Variants in FBXL5 observed in about 807,000 individuals in gnomAD.
FBXL5 encodes F-box and leucine rich repeat protein 5.
In FBXL5, 26 loss-of-function variants were observed where a neutral mutation model predicts 78.3. That is an observed-to-expected ratio of 0.33 (90% CI 0.24 to 0.46). The LOEUF is 0.46. Among genes scored for constraint, FBXL5 ranks in the 20% least tolerant of loss-of-function variants. FBXL5 has a pLI of 1.00. For missense variants in FBXL5, 710 were observed against 829.2 expected (o/e 0.86, Z 1.77); for synonymous variants, 295 against 282.5 (o/e 1.04, Z -0.45).
At chr4:15,643,092 C>A (rs967419218) in intron 2 of FBXL5, among the ~76,000 whole-genome samples, 2 of 152,012 alleles carry the variant, frequency 1.3e-5, no homozygotes, top group Non-Finnish European at 1.5e-5. Flanking sequence ...TCAAAGAATA[C>A]GAAAGAATAT....
In FBXL5 at chr4:15,605,481, A is replaced by G; in HGVS notation, c.*242T>C. The G allele has an allele frequency of 2.4e-6, 1 of 417,050 alleles. No homozygotes were observed. Among genetic ancestry groups the G allele is most frequent in the Non-Finnish European group, 4.4e-6 (1 of 228,026 alleles). 25.8% of individuals were successfully genotyped at this position (417,050 alleles called of 1,614,324 possible). A position where few individuals can be genotyped will look rare whatever the true frequency, so the allele number is the denominator to read the frequency against. On this transcript the variant is annotated 3_prime_UTR_variant, in exon 11 of 11. Transcript: ENST00000341285. ...TTAAAGCATTTCATTTAAAAGAAAA[A>G]TGTAAGACTGTTCTCACCCTTTTGA...
chr4:15,630,586 T>C (rs1354385623), intron 6 of FBXL5, 80 bp downstream of exon 6: 2 of 1,302,666 alleles, frequency 1.5e-6, no homozygotes, highest in Non-Finnish European at 2.0e-6. Context: ...AATACATAAA[T>C]CTAATACCTA....
At chr4:15,671,715 G>T (rs566685997) in intron 1 of FBXL5, among the ~76,000 whole-genome samples, 1 of 152,178 alleles carries the variant, frequency 6.6e-6, no homozygotes, top group South Asian at 2.1e-4. Flanking sequence ...ACACACTAGG[G>T]TGCTTAAACT....
At chr4:15,647,696 C>G (rs1357539308) in intron 1 of FBXL5, among the ~76,000 whole-genome samples, 6 of 152,168 alleles carry the variant, frequency 3.9e-5, no homozygotes, top group Non-Finnish European at 8.8e-5. Context: ...CAGGTAGAAT[C>G]TATATCCAGC....
At chr4:15,628,247 A>G (rs1035400944) in intron 6 of FBXL5, among the ~76,000 whole-genome samples, 1 of 152,226 alleles carries the variant, frequency 6.6e-6, no homozygotes, top group Non-Finnish European at 1.5e-5. Flanking sequence ...AAAATATGAT[A>G]TCAAAAGAAA....
At position 15,604,724 on chromosome 4, in the gene FBXL5, A is replaced by G. The variant is rs1721768541; in HGVS notation, c.*999T>C. On this transcript the variant is annotated 3_prime_UTR_variant, in exon 11 of 11. Transcript: ENST00000341285. ...TTGCCATTTTCTTCTACATGACATAAAATTGTACTAAAAGGCACTAGTATG... is the reference window on the plus strand; with the variant it reads ...TTGCCATTTTCTTCTACATGACATAGAATTGTACTAAAAGGCACTAGTATG... The G allele has an allele frequency of 6.6e-6, 1 of 152,232 alleles. No individual in the cohort carries two copies. The highest frequency in any genetic ancestry group is 2.4e-5 in the African/African-American group (1 of 41,472). The allele number at this position is 152,232 out of a possible 1,614,324, so 9.4% of individuals were successfully genotyped here.
chr4:15,680,203 T>G (rs1299959220), intron 1 of FBXL5, among the ~76,000 whole-genome samples: 1 of 152,046 alleles, frequency 6.6e-6, no homozygotes, highest in Non-Finnish European at 1.5e-5. Context: ...CTTGTATCTC[T>G]GCATGAAGAC....
In FBXL5 at chr4:15,627,803, T is replaced by G. The variant is rs899530825; in HGVS notation, c.1041+82A>C. On this transcript the variant is annotated intron_variant, in intron 7 of 10. Transcript: ENST00000341285. ...AATCATTTTTGGGTTTGTTTCCCCT[T>G]AATTAAACTCAGGAATGAGCAAACC... 11 of 1,415,552 alleles carry G rather than the reference T, an allele frequency of 7.8e-6. No homozygotes were observed. The Admixed American group carries it at 1.7e-4, about 22-fold the overall frequency. The allele number at this position is 1,415,552 out of a possible 1,614,324, so 87.7% of individuals were successfully genotyped here. A position where few individuals can be genotyped will look rare whatever the true frequency, so the allele number is the denominator to read the frequency against.
chr4:15,658,119 C>T (rs1717103977), upstream of FBXL5, among the ~76,000 whole-genome samples: 1 of 152,150 alleles, frequency 6.6e-6, no homozygotes, highest in South Asian at 2.1e-4. Context: ...TTTGAGAACC[C>T]TGGAAAGGGT....
At chr4:15,623,044 A>G (rs1712643725) in intron 9 of FBXL5, among the ~76,000 whole-genome samples, 2 of 152,198 alleles carry the variant, frequency 1.3e-5, no homozygotes, top group African/African-American at 4.8e-5. Flanking sequence ...ATACCCTAAA[A>G]TAACAACTAA....
At chr4:15,606,512 T>C (rs1396711249) in intron 10 of FBXL5, among the ~76,000 whole-genome samples, 2 of 152,152 alleles carry the variant, frequency 1.3e-5, no homozygotes, top group African/African-American at 4.8e-5. Flanking sequence ...TTAGGGAACA[T>C]AGCTGAGAAT....
chr4:15,626,253 T>G (rs1210080323), intron 8 of FBXL5, among the ~76,000 whole-genome samples: 2 of 152,096 alleles, frequency 1.3e-5, no homozygotes, highest in African/African-American at 4.8e-5. Flanking sequence ...ATCCTAAAAG[T>G]AGTCAGCAGA....
rs1452786427 is a variant in FBXL5 at position 15,644,598 on chromosome 4, A to T, written c.195T>A (p.Ile65=). 6.2e-7 allele frequency: 1 copy of T among 1,614,144 alleles called. No homozygotes were observed. The highest frequency in any genetic ancestry group is 1.7e-5 in the Admixed American group (1 of 60,024). ...KMHEQIENEY[I]IGLLQQRSQT... The stretch of plus-strand genomic sequence containing the variant: ...GGCTGCGTTGTTGAAGCAAACCAAT[A>T]ATGTATTCATTTTCAATCTGCTCAT... Residue 65 remains isoleucine, a synonymous_variant, in exon 2 of 11, where the codon ATT becomes ATA. Transcript: ENST00000341285.
chr4:15,642,591 T>G (rs1401971894), intron 2 of FBXL5, among the ~76,000 whole-genome samples: 4 of 152,220 alleles, frequency 2.6e-5, no homozygotes, highest in African/African-American at 9.6e-5. Flanking sequence ...TTCTCTGGTC[T>G]CTTTTTCCAG....
intron 1 of FBXL5, among the ~76,000 whole-genome samples, chr4:15,678,383 T>C (rs1209389252): frequency 6.6e-6 from 1 of 152,242 alleles, no homozygotes; most frequent in Admixed American, 6.5e-5. Flanking sequence ...TTTACCTCAG[T>C]ATTGAAACAA....
chr4:15,630,869 GA>G, intron 5 of FBXL5, 78 bp from the exon 6 acceptor site: 1 of 1,541,850 alleles, frequency 6.5e-7, no homozygotes, highest in Non-Finnish European at 8.8e-7. Context: ...AGCTATTTAC[GA>G]TAAAAATCTC....
At chr4:15,662,728 CT>C (rs979619588), upstream of FBXL5, among the ~76,000 whole-genome samples, 1 of 152,130 alleles carries the variant, frequency 6.6e-6, no homozygotes, top group African/African-American at 2.4e-5. Flanking sequence ...AATCCATTAT[CT>C]TTATGTAATC....
intron 2 of FBXL5, among the ~76,000 whole-genome samples, chr4:15,642,020 T>C (rs115690300): frequency 6.6e-6 from 1 of 151,242 alleles, no homozygotes; most frequent in Non-Finnish European, 1.5e-5. Context: ...AGAGCAAGAC[T>C]CTGTCTTAAA....
intron 10 of FBXL5, among the ~76,000 whole-genome samples, chr4:15,607,350 C>A (rs1329999831): frequency 2.0e-5 from 3 of 151,940 alleles, no homozygotes; most frequent in African/African-American, 2.4e-5. Context: ...TTTATTTAAT[C>A]AAAATAACAA....
Sources: allele counts gnomAD v4.1 joint callset (sites outside exome capture counted in the v4.1 genomes callset), GRCh38; gene constraint gnomAD v4.1.1; transcripts MANE v1.5; gene names NCBI Gene and HGNC (gene_info 2026-07-23, HGNC 2026-07-21).